The following ZC3H14 variants were observed in gnomAD, a reference collection of about 807,000 sequenced individuals.
ZC3H14 encodes the protein zinc finger CCCH domain-containing protein 14.
Under a neutral mutation model 92.4 loss-of-function variants are expected in ZC3H14, and 31 were observed. The observed-to-expected ratio is 0.34, with a 90% CI of 0.25 to 0.45. ZC3H14 has a LOEUF of 0.45. Among genes scored for constraint, ZC3H14 ranks in the 20% least tolerant of loss-of-function variants. The pLI is 1.00. For missense variants in ZC3H14, 781 were observed against 897.3 expected, an observed-to-expected ratio of 0.87 and a Z score of 1.66; for synonymous variants, 321 against 300.9, an observed-to-expected ratio of 1.07 and a Z score of -0.69.
At chr14:88,605,911 G>A (rs758874381) in intron 12 of ZC3H14, among the ~76,000 whole-genome samples, 13 of 152,250 alleles carry the variant, frequency 8.5e-5, no homozygotes, top group Middle Eastern at 3.4e-3. Context: ...TTGTATAGAT[G>A]AGGAAACAGA....
intron 3 of ZC3H14, among the ~76,000 whole-genome samples, chr14:88,570,810 A>G (rs2080286648): frequency 6.6e-6 from 1 of 152,206 alleles, no homozygotes; most frequent in African/African-American, 2.4e-5. Flanking sequence ...TATTCACTAA[A>G]TACAGTTTAT....
At chr14:88,573,347 T>A (rs1239907303) in intron 6 of ZC3H14, among the ~76,000 whole-genome samples, 1 of 151,976 alleles carries the variant, frequency 6.6e-6, no homozygotes, top group African/African-American at 2.4e-5. Flanking sequence ...GCCACTGCAC[T>A]CCAGCCTGGG....
chr14:88,578,143 AAT>A lies in ZC3H14; in HGVS notation c.1279+5_1279+6del. On this transcript the variant is annotated splice_donor_5th_base_variant and intron_variant, in intron 9 of 16. Coordinates refer to ENST00000251038, the MANE Select transcript of ZC3H14 (RefSeq NM_024824.5). ...AGATTCTGTAGAAAAAAATCAAGGTAATAACTTAAATGATGTTTCACTCTTTA... is the reference window on the plus strand; with the variant it reads ...AGATTCTGTAGAAAAAAATCAAGGTAAACTTAAATGATGTTTCACTCTTTA... 6.2e-7 allele frequency: 1 copy of A among 1,613,880 alleles called. No homozygotes were observed. Among genetic ancestry groups the A allele is most frequent in the Non-Finnish European group, 8.5e-7 (1 of 1,179,864 alleles).
rs780397176 is a variant in ZC3H14, at chr14:88,594,842, T to A, written c.1280-1892T>A. ...TGTTCACTGAATGAGCTAGACAATA[T>A]TTCCCACCTTTTAAGGAAAATATCA... On this transcript the variant is annotated intron_variant, in intron 9 of 16. Coordinates refer to ENST00000251038, the MANE Select transcript of ZC3H14 (RefSeq NM_024824.5). The A allele has an allele frequency of 2.5e-6, 4 of 1,613,984 alleles. No individual in the cohort carries two copies. The African/African-American group carries it at 4.0e-5, about 16-fold the overall frequency.
intron 2 of ZC3H14, 44 bp from the exon 3 acceptor site, chr14:88,567,995 G>C (rs757755341): frequency 6.5e-7 from 1 of 1,534,374 alleles, no homozygotes; most frequent in Non-Finnish European, 9.0e-7. Flanking sequence ...TAAGAAGAAA[G>C]TTTTGAGGAA....
chr14:88,599,565 C>T (rs1451016804), intron 10 of ZC3H14, among the ~76,000 whole-genome samples: 1 of 152,184 alleles, frequency 6.6e-6, no homozygotes, highest in East Asian at 1.9e-4. Flanking sequence ...CTTTCCTCAA[C>T]CCTGGAGCAT....
At position 88,618,452 on chromosome 14, in the gene ZC3H14, C is replaced by A; in HGVS notation, c.*6701C>A. ...TACATGTCTAACATTATTAAGTATGCAAAAGATCACTACAAAAACTTAATA... is the reference window on the plus strand; with the variant it reads ...TACATGTCTAACATTATTAAGTATGAAAAAGATCACTACAAAAACTTAATA... On this transcript the variant is annotated 3_prime_UTR_variant, in exon 17 of 17. Coordinates refer to ENST00000251038, the MANE Select transcript of ZC3H14 (RefSeq NM_024824.5). 1 of 1,093,718 alleles carries A rather than the reference C, an allele frequency of 9.1e-7. No individual in the cohort carries two copies. The highest frequency in any genetic ancestry group is 1.3e-6 in the Non-Finnish European group (1 of 756,934). 67.8% of individuals were successfully genotyped at this position (1,093,718 alleles called of 1,614,324 possible). A position where few individuals can be genotyped will look rare whatever the true frequency, so the allele number is the denominator to read the frequency against.
chr14:88,599,571 A>G (rs1195489840), intron 10 of ZC3H14, among the ~76,000 whole-genome samples: 2 of 152,086 alleles, frequency 1.3e-5, no homozygotes, highest in Middle Eastern at 3.2e-3. Flanking sequence ...TCAACCCTGG[A>G]GCATGTTACA....
At chr14:88,574,602 GT>G in intron 6 of ZC3H14, 90 bp from the exon 7 acceptor site, 1 of 1,456,466 alleles carries the variant, frequency 6.9e-7, no homozygotes, top group Non-Finnish European at 9.6e-7. Flanking sequence ...ATATTACTGT[GT>G]ACTGTTTTTT....
In ZC3H14 at chr14:88,618,100, A is replaced by G; in HGVS notation, c.*6349A>G. Reference sequence around the variant, plus strand: ...GTCCCAACATGAACATACCATTTCAAAATATGGTAACAAAAACTTGAAACT... The same window carrying G: ...GTCCCAACATGAACATACCATTTCAGAATATGGTAACAAAAACTTGAAACT... On this transcript the variant is annotated 3_prime_UTR_variant, in exon 17 of 17. Coordinates refer to ENST00000251038, the MANE Select transcript of ZC3H14 (RefSeq NM_024824.5). 1.5e-6 allele frequency: 1 copy of G among 645,450 alleles called. No homozygotes were observed. Among genetic ancestry groups the G allele is most frequent in the South Asian group, 2.6e-5 (1 of 38,474 alleles). 40.0% of individuals were successfully genotyped at this position (645,450 alleles called of 1,614,324 possible). A position where few individuals can be genotyped will look rare whatever the true frequency, so the allele number is the denominator to read the frequency against.
intron 9 of ZC3H14, among the ~76,000 whole-genome samples, chr14:88,585,534 G>A (rs1166917348): frequency 6.6e-6 from 1 of 151,780 alleles, no homozygotes; most frequent in African/African-American, 2.4e-5. Flanking sequence ...CCACCACTAC[G>A]CCCAGCTAAT....
chr14:88,602,821 C>G lies in ZC3H14; in HGVS notation c.1515-7C>G. 6.2e-7 allele frequency: 1 copy of G among 1,613,702 alleles called. No homozygotes were observed. Among genetic ancestry groups the G allele is most frequent in the Non-Finnish European group, 8.5e-7 (1 of 1,179,716 alleles). On this transcript the variant is annotated splice_polypyrimidine_tract_variant and splice_region_variant and intron_variant, in intron 11 of 16. Coordinates refer to ENST00000251038, the MANE Select transcript of ZC3H14 (RefSeq NM_024824.5). ...TAATTCTATGGTATTTTTTATCTGT[C>G]TGGCAGAGATCTTGTACAACCAGAT...
intron 7 of ZC3H14, 54 bp downstream of exon 7, chr14:88,574,907 T>G: frequency 1.2e-6 from 2 of 1,611,162 alleles, no homozygotes; most frequent in South Asian, 1.1e-5. Flanking sequence ...GGAGTCTTCC[T>G]GATTTATTGA....
rs373987713 is a variant in ZC3H14 at position 88,622,700 on chromosome 14, C to T, written c.*10949C>T. ...TCAGTTCCTGATCCCACAGTTTAAC[C>T]GCTCCTCCTTCTTTTGACCTAAGTA... On this transcript the variant is annotated 3_prime_UTR_variant, in exon 17 of 17. Transcript: ENST00000251038. 1.7e-5 allele frequency: 28 copies of T among 1,607,262 alleles called. No individual in the cohort carries two copies. The highest frequency in any genetic ancestry group is 2.1e-5 in the Non-Finnish European group (25 of 1,176,782).
At chr14:88,611,281 A>AT (rs796735608) in intron 16 of ZC3H14, among the ~76,000 whole-genome samples, 1 of 151,580 alleles carries the variant, frequency 6.6e-6, no homozygotes, top group Non-Finnish European at 1.5e-5. Context: ...TACCTGGCTA[A>AT]TTTTTTTTAT....
At chr14:88,610,778 G>C in intron 15 of ZC3H14, 56 bp from the exon 16 acceptor site, 1 of 1,519,138 alleles carries the variant, frequency 6.6e-7, no homozygotes, top group South Asian at 1.1e-5. Flanking sequence ...ATAAAATAAT[G>C]TGTTTACTTA....
In ZC3H14 at chr14:88,616,195, A is replaced by C; in HGVS notation, c.*4444A>C. On this transcript the variant is annotated 3_prime_UTR_variant, in exon 17 of 17. Transcript: ENST00000251038. ...CATGTCGATCACCACTGGTAAATCG[A>C]ATATTTGTCACATGGGGCGAATGAC... is the stretch of plus-strand genomic sequence containing the variant. The C allele has an allele frequency of 6.2e-7, 1 of 1,613,950 alleles. No individual in the cohort carries two copies. Among genetic ancestry groups the C allele is most frequent in the Non-Finnish European group, 8.5e-7 (1 of 1,179,826 alleles).
At chr14:88,608,541 G>A (rs77631094) in intron 13 of ZC3H14, 5 of 251,350 alleles carry the variant, frequency 2.0e-5, no homozygotes, top group African/African-American at 4.6e-5. Context: ...AGGCAAGGGT[G>A]GGGGGGCTTT....
chr14:88,621,605 G>A lies in ZC3H14; in HGVS notation c.*9854G>A, dbSNP rs2088956285. 1 of 411,290 alleles carries A rather than the reference G, an allele frequency of 2.4e-6. No homozygotes were observed. Among genetic ancestry groups the A allele is most frequent in the East Asian group, 4.8e-5 (1 of 20,738 alleles). The allele number at this position is 411,290 out of a possible 1,614,324, so 25.5% of individuals were successfully genotyped here. On this transcript the variant is annotated 3_prime_UTR_variant, in exon 17 of 17. Coordinates refer to ENST00000251038, the MANE Select transcript of ZC3H14 (RefSeq NM_024824.5). ...TTGATAATCTTAGGATTTCCAAACT[G>A]GGGTCAGTGCAGTGGGATATAGGAA...
Sources: allele counts gnomAD v4.1 joint callset (sites outside exome capture counted in the v4.1 genomes callset), GRCh38; gene constraint gnomAD v4.1.1; transcripts MANE v1.5; gene names NCBI Gene and HGNC (gene_info 2026-07-23, HGNC 2026-07-21).